PRMT3: variants seen among roughly 807,000 people sequenced by gnomAD.
PRMT3 encodes protein arginine N-methyltransferase 3.
In PRMT3, 62 loss-of-function variants were observed where a neutral mutation model predicts 71.9. The observed-to-expected ratio is 0.86, with a 90% confidence interval of 0.70 to 1.07. PRMT3 has a LOEUF of 1.07. Among genes scored for constraint, PRMT3 ranks in the 50% least tolerant of loss-of-function variants. PRMT3 has a pLI of 0.00. For synonymous variants in PRMT3, 213 were observed against 220.4 expected, an observed-to-expected ratio of 0.97 and a Z score of 0.30; for missense variants, 663 against 643.0, an observed-to-expected ratio of 1.03 and a Z score of -0.34.
At chr11:20,392,306 A>T in intron 4 of PRMT3, 46 bp downstream of exon 4, 1 of 1,517,942 alleles carries the variant, frequency 6.6e-7, no homozygotes, top group Non-Finnish European at 9.0e-7. Flanking sequence ...AATCAAAGAA[A>T]TGCTACAGTG....
intron 3 of PRMT3, 106 bp from the exon 4 acceptor site, chr11:20,392,105 A>T: frequency 9.4e-7 from 1 of 1,058,708 alleles, no homozygotes; most frequent in African/African-American, 1.6e-5. Flanking sequence ...AGTAATTTAG[A>T]GGTCAGAATT....
rs1483551029 is a variant in PRMT3, at chr11:20,452,191, TG to T, written c.1057del (p.Ala353GlnfsTer16). On this transcript the variant is annotated frameshift_variant, in exon 11 of 16. Coordinates refer to ENST00000331079, the MANE Select transcript of PRMT3 (RefSeq NM_005788.4). LOFTEE classifies it high-confidence loss of function. ...GTCCTTTATGCAAAGAACAAATACT[TG>T]GCAAAAGGAGGCTCGGGTGAGTATA... The part of the protein sequence containing the change: ...DSVLYAKNKY[L>X]AKGGSVYPDI... 16 of 1,608,640 alleles carry T rather than the reference TG, an allele frequency of 9.9e-6. No individual in the cohort carries two copies. Among genetic ancestry groups the T allele is most frequent in the Non-Finnish European group, 1.4e-5 (16 of 1,175,580 alleles).
chr11:20,400,911 A>C (rs1445288019), intron 7 of PRMT3, among the ~76,000 whole-genome samples: 1 of 151,900 alleles, frequency 6.6e-6, no homozygotes, highest in Non-Finnish European at 1.5e-5. Flanking sequence ...TGTTAGAATA[A>C]ATTTTTAGAA....
chr11:20,456,476 A>G (rs769494768), intron 11 of PRMT3, among the ~76,000 whole-genome samples: 16 of 152,200 alleles, frequency 1.1e-4, no homozygotes, highest in Non-Finnish European at 2.4e-4. Flanking sequence ...TTTCCCATGA[A>G]TTGCTTGGCA....
chr11:20,500,561 A>T (rs181973448), intron 15 of PRMT3, among the ~76,000 whole-genome samples: 2 of 152,350 alleles, frequency 1.3e-5, no homozygotes, highest in East Asian at 3.9e-4. Context: ...AAGTCAGTAT[A>T]ACAAATAATC....
At chr11:20,508,211 T>A in intron 15 of PRMT3, 93 bp from the exon 16 acceptor site, 11 of 559,808 alleles carry the variant, frequency 2.0e-5, no homozygotes, top group Admixed American at 3.2e-5. Context: ...TGGGAAAACA[T>A]CACAATAAAA....
At chr11:20,433,052 CTT>C (rs940066136) in intron 10 of PRMT3, among the ~76,000 whole-genome samples, 1 of 150,590 alleles carries the variant, frequency 6.6e-6, no homozygotes, top group Non-Finnish European at 1.5e-5. Flanking sequence ...TTTTTAGTGG[CTT>C]TTTTTTTCTT....
chr11:20,445,013 T>G (rs1849991772), intron 10 of PRMT3, among the ~76,000 whole-genome samples: 1 of 152,042 alleles, frequency 6.6e-6, no homozygotes, highest in African/African-American at 2.4e-5. Context: ...TTTTTAATAA[T>G]TGTAATTTTC....
chr11:20,462,253 T>G (rs1590082083), intron 12 of PRMT3, 86 bp downstream of exon 12: 2 of 1,104,582 alleles, frequency 1.8e-6, no homozygotes, highest in East Asian at 4.9e-5. Context: ...TGATTTTATA[T>G]ATGGGCTTTC....
chr11:20,454,264 C>T (rs1056323251), intron 11 of PRMT3, among the ~76,000 whole-genome samples: 9 of 152,076 alleles, frequency 5.9e-5, no homozygotes, highest in African/African-American at 1.4e-4. Context: ...ATTGCCTTGA[C>T]GTTCTAGGGA....
chr11:20,453,349 T>G (rs1329286323), intron 11 of PRMT3, among the ~76,000 whole-genome samples: 1 of 146,308 alleles, frequency 6.8e-6, no homozygotes, highest in Non-Finnish European at 1.5e-5. Context: ...AATCCAAAAA[T>G]TAGCTGGGCT....
chr11:20,452,939 A>G (rs1024993394), intron 11 of PRMT3, among the ~76,000 whole-genome samples: 3 of 152,194 alleles, frequency 2.0e-5, no homozygotes, highest in African/African-American at 7.2e-5. Flanking sequence ...TGTTTATTGA[A>G]TTGAATCATT....
rs1207360372 is a variant in PRMT3 at position 20,407,796 on chromosome 11, G to A, written c.772-115G>A. On this transcript the variant is annotated intron_variant, in intron 8 of 15. Coordinates refer to ENST00000331079, the MANE Select transcript of PRMT3 (RefSeq NM_005788.4). ...GAGCCACCGCGCCTGGCCAGTTTCA[G>A]ATTTTTATTGTGATCTTTTCCTAGC... 3 of 1,161,020 alleles carry A rather than the reference G, an allele frequency of 2.6e-6. No homozygotes were observed. The East Asian group carries it at 8.2e-5, about 32-fold the overall frequency. The allele number at this position is 1,161,020 out of a possible 1,614,324, so 71.9% of individuals were successfully genotyped here. A position where few individuals can be genotyped will look rare whatever the true frequency, so the allele number is the denominator to read the frequency against.
At chr11:20,447,222 A>C (rs1405994896) in intron 10 of PRMT3, among the ~76,000 whole-genome samples, 1 of 151,980 alleles carries the variant, frequency 6.6e-6, no homozygotes, top group Non-Finnish European at 1.5e-5. Flanking sequence ...TGCATTTTGG[A>C]TACCTCTAGA....
At chr11:20,402,601 G>A (rs2133313078) in intron 7 of PRMT3, among the ~76,000 whole-genome samples, 1 of 151,712 alleles carries the variant, frequency 6.6e-6, no homozygotes, top group Non-Finnish European at 1.5e-5. Context: ...ATTGAAAGGA[G>A]CAAAACATGT....
chr11:20,448,475 T>G (rs938460380), intron 10 of PRMT3, among the ~76,000 whole-genome samples: 6 of 152,162 alleles, frequency 3.9e-5, no homozygotes, highest in Admixed American at 2.0e-4. Flanking sequence ...GTGTATTTGT[T>G]GCAGGTAATC....
At chr11:20,425,959 T>C (rs1849536460) in intron 9 of PRMT3, among the ~76,000 whole-genome samples, 1 of 152,250 alleles carries the variant, frequency 6.6e-6, no homozygotes, top group South Asian at 2.1e-4. Context: ...AGTTACAATG[T>C]ACATTCTGAG....
At chr11:20,489,959 A>AG (rs567406337) in intron 13 of PRMT3, among the ~76,000 whole-genome samples, 213 of 150,144 alleles carry the variant, frequency 1.4e-3, no homozygotes, top group African/African-American at 5.1e-3. Context: ...AGAAAAGAAA[A>AG]GAAAAAAAGG....
At chr11:20,399,790 A>G (rs559796802) in intron 7 of PRMT3, among the ~76,000 whole-genome samples, 2 of 152,286 alleles carry the variant, frequency 1.3e-5, no homozygotes, top group African/African-American at 4.8e-5. Context: ...TAACCATAAG[A>G]CTTCACACCT....
Sources: allele counts gnomAD v4.1 joint callset (sites outside exome capture counted in the v4.1 genomes callset), GRCh38; gene constraint gnomAD v4.1.1; transcripts MANE v1.5; gene names NCBI Gene and HGNC (gene_info 2026-07-23, HGNC 2026-07-21).